Variants in MSI2 observed in about 807,000 individuals in gnomAD.
MSI2 encodes musashi RNA binding protein 2.
In MSI2, 17 loss-of-function variants were observed where a neutral mutation model predicts 45.6. The ratio of observed to expected loss-of-function variants is 0.37; its 90% confidence interval spans 0.26 to 0.56. The LOEUF (loss-of-function observed/expected upper bound fraction) is 0.56, where lower values mean the gene tolerates loss of function less well. MSI2 is among the 20% of genes least tolerant of loss of function. MSI2 has a pLI of 0.77. For missense variants in MSI2, 293 were observed against 444.2 expected (o/e 0.66, Z 3.06); for synonymous variants, 156 against 158.2 (o/e 0.99, Z 0.11).
At chr17:57,373,119 T>C (rs1365997756) in intron 5 of MSI2, among the ~76,000 whole-genome samples, 1 of 151,426 alleles carries the variant, frequency 6.6e-6, no homozygotes, top group African/African-American at 2.4e-5. Flanking sequence ...TAGCTGGGCG[T>C]GGTGGTGTGT....
intron 5 of MSI2, among the ~76,000 whole-genome samples, chr17:57,293,197 T>C (rs1234208051): frequency 1.3e-5 from 2 of 150,936 alleles, no homozygotes. Context: ...CTGAGAATGG[T>C]GTTTGCTCCA....
At chr17:57,695,855 T>A in the MSI2 span, among the ~76,000 whole-genome samples, 2 of 152,350 alleles carry the variant, frequency 1.3e-5, no homozygotes, top group East Asian at 3.9e-4. Flanking sequence ...TCTTCCTGGC[T>A]TGTAGATGAC....
chr17:57,277,058 T>TC (rs1157378165), intron 5 of MSI2, among the ~76,000 whole-genome samples: 1 of 139,878 alleles, frequency 7.1e-6, no homozygotes, highest in East Asian at 2.0e-4. Flanking sequence ...CTTTTCTTTT[T>TC]TTTTTTTTTT....
chr17:57,433,159 C>T lies in MSI2; in HGVS notation c.405+31688C>T, dbSNP rs116444345. 6.2e-4 allele frequency among the ~76,000 whole-genome samples: 94 copies of T among 152,298 alleles called. 1 individual carries two copies. Among genetic ancestry groups the T allele is most frequent in the African/African-American group, 2.2e-3 (90 of 41,560 alleles). ...AACAACTCGGAAAGGGAGGCTCAGA[C>T]ACTGCAGGCGGCTTCTCTAAGGTGA... is the stretch of plus-strand genomic sequence containing the variant. On this transcript the variant is annotated intron_variant, in intron 6 of 13. Transcript: ENST00000284073.
intron 6 of MSI2, among the ~76,000 whole-genome samples, chr17:57,441,273 T>C (rs2084795183): frequency 6.6e-6 from 1 of 152,136 alleles, no homozygotes; most frequent in African/African-American, 2.4e-5. Flanking sequence ...TTTTCATGCA[T>C]TTGGTGCTAA....
chr17:57,511,602 G>A (rs1331179883), intron 6 of MSI2, among the ~76,000 whole-genome samples: 1 of 151,556 alleles, frequency 6.6e-6, no homozygotes, highest in African/African-American at 2.4e-5. Flanking sequence ...GTTGTTTCCC[G>A]GGGTTGATGC....
chr17:57,646,536 A>C (rs796793029), intron 10 of MSI2, among the ~76,000 whole-genome samples: 1 of 152,348 alleles, frequency 6.6e-6, no homozygotes, highest in African/African-American at 2.4e-5. Context: ...GGGACGTTAG[A>C]GGTCATCTTG....
At chr17:57,675,631 T>C (rs374112858) in intron 12 of MSI2, among the ~76,000 whole-genome samples, 222 of 152,176 alleles carry the variant, frequency 1.5e-3, no homozygotes, top group African/African-American at 5.1e-3. Context: ...CCTTAGTCAA[T>C]AGAGCCCCTG....
chr17:57,663,450 C>T (rs1209821345), intron 11 of MSI2, among the ~76,000 whole-genome samples: 1 of 152,166 alleles, frequency 6.6e-6, no homozygotes, highest in Non-Finnish European at 1.5e-5. Context: ...ACCCCAGCCC[C>T]GCTCGCCCCT....
chr17:57,605,226 G>A (rs376260556), intron 8 of MSI2, among the ~76,000 whole-genome samples: 25 of 152,192 alleles, frequency 1.6e-4, no homozygotes, highest in African/African-American at 4.8e-4. Flanking sequence ...ACACGCAAGC[G>A]CGTGCACATG....
chr17:57,670,465 T>C (rs1473724363), intron 11 of MSI2, among the ~76,000 whole-genome samples: 5 of 152,228 alleles, frequency 3.3e-5, no homozygotes, highest in South Asian at 4.1e-4. Flanking sequence ...GCAGCATCTG[T>C]CTCTGTTAAG....
At chr17:57,491,707 G>C (rs1375838522) in intron 6 of MSI2, among the ~76,000 whole-genome samples, 2 of 152,096 alleles carry the variant, frequency 1.3e-5, no homozygotes, top group Non-Finnish European at 2.9e-5. Flanking sequence ...GAATCATTGC[G>C]CCTTCCTGCA....
At chr17:57,275,826 C>T (rs559500814) in intron 5 of MSI2, among the ~76,000 whole-genome samples, 1 of 152,284 alleles carries the variant, frequency 6.6e-6, no homozygotes, top group South Asian at 2.1e-4. Flanking sequence ...ATTTGCTGCT[C>T]CATTAAGTGA....
rs1223982750 is a variant in MSI2, at chr17:57,683,854, GCA to G, written c.*4340_*4341del. 7 of 231,812 alleles carry G rather than the reference GCA, an allele frequency of 3.0e-5. No individual in the cohort carries two copies. In the East Asian group the frequency reaches 4.2e-4, roughly 14 times the overall value. The allele number at this position is 231,812 out of a possible 1,614,324, so 14.4% of individuals were successfully genotyped here. On this transcript the variant is annotated 3_prime_UTR_variant, in exon 14 of 14. Coordinates refer to ENST00000284073, the MANE Select transcript of MSI2 (RefSeq NM_138962.4). The surrounding 1 kb of genome is among the most constrained non-coding windows in gnomAD (Gnocchi z 5.2). ...AGACGTCAGCTCAGCCCCGTCCTGG[GCA>G]CAGACACTACACAAGGAGACGCTGG... is the stretch of plus-strand genomic sequence containing the variant.
At chr17:57,271,846 A>G (rs1908405396) in intron 5 of MSI2, among the ~76,000 whole-genome samples, 1 of 151,802 alleles carries the variant, frequency 6.6e-6, no homozygotes, top group Non-Finnish European at 1.5e-5. Flanking sequence ...AAGAAAAGAA[A>G]CTGAAGGAGG....
At chr17:57,570,272 C>T (rs1052256566) in intron 7 of MSI2, among the ~76,000 whole-genome samples, 13 of 152,158 alleles carry the variant, frequency 8.5e-5, no homozygotes, top group Admixed American at 4.6e-4. Context: ...CTGAGGGTGG[C>T]GCCTGGACAT....
intron 8 of MSI2, among the ~76,000 whole-genome samples, chr17:57,607,108 A>G (rs1906685868): frequency 6.6e-6 from 1 of 152,248 alleles, no homozygotes; most frequent in Non-Finnish European, 1.5e-5. Flanking sequence ...AACCATGGAC[A>G]TTCTTTGAGG....
At chr17:57,547,917 G>A (rs944446252) in intron 7 of MSI2, among the ~76,000 whole-genome samples, 3 of 152,130 alleles carry the variant, frequency 2.0e-5, no homozygotes, top group African/African-American at 7.2e-5. Context: ...TTGGAGAAAG[G>A]GTGGTTGTTT....
intron 8 of MSI2, among the ~76,000 whole-genome samples, chr17:57,600,417 C>G (rs1905735838): frequency 1.3e-5 from 2 of 152,204 alleles, no homozygotes; most frequent in African/African-American, 4.8e-5. Context: ...TCTAGGTCTT[C>G]TGGTTCAATC....
Sources: gnomAD v4.1 joint callset for allele counts (sites outside exome capture counted in the v4.1 genomes callset) on GRCh38, gnomAD v4.1.1 for gene constraint, Gnocchi (gnomAD v3.1) non-coding constraint, MANE v1.5 for transcripts, NCBI Gene and HGNC (gene_info 2026-07-23, HGNC 2026-07-21) for gene names.